PTPRD: variants seen among roughly 807,000 people sequenced by gnomAD.
PTPRD encodes receptor-type tyrosine-protein phosphatase delta.
In PTPRD, 34 loss-of-function variants were observed where a neutral mutation model predicts 214.5. The ratio of observed to expected loss-of-function variants is 0.16; its 90% confidence interval spans 0.12 to 0.21. The LOEUF is 0.21. Among genes scored for constraint, PTPRD ranks in the 10% least tolerant of loss-of-function variants. The pLI, the probability that PTPRD is intolerant of heterozygous loss-of-function variation, is 1.00. For missense variants in PTPRD, 2,545 were observed against 2,398.7 expected (o/e 1.06, Z -1.27); for synonymous variants, 1,128 against 845.7 (o/e 1.33, Z -5.79).
chr9:8,655,471 T>A (rs2096890786), intron 12 of PTPRD, among the ~76,000 whole-genome samples: 1 of 152,174 alleles, frequency 6.6e-6, no homozygotes, highest in East Asian at 1.9e-4. Flanking sequence ...ATAAAAAGCA[T>A]TTTCTGGAAA....
At chr9:9,166,264 G>C (rs1360380556) in intron 10 of PTPRD, among the ~76,000 whole-genome samples, 4 of 151,794 alleles carry the variant, frequency 2.6e-5, no homozygotes, top group Non-Finnish European at 5.9e-5. Flanking sequence ...TTGCTTAGCT[G>C]AATCTGTGGA....
At chr9:10,607,954 G>T (rs527827309) in intron 2 of PTPRD, among the ~76,000 whole-genome samples, 98 of 151,966 alleles carry the variant, frequency 6.4e-4, no homozygotes, top group African/African-American at 2.3e-3. Context: ...TGGCAATATA[G>T]CATGTGAGAT....
At chr9:8,629,527 C>T (rs886806804) in intron 14 of PTPRD, among the ~76,000 whole-genome samples, 6 of 151,792 alleles carry the variant, frequency 4.0e-5, no homozygotes, top group African/African-American at 1.4e-4. Flanking sequence ...CCTATGCTTG[C>T]TCTTCACTGA....
At chr9:8,595,391 G>C (rs1042075637) in intron 14 of PTPRD, among the ~76,000 whole-genome samples, 5 of 152,252 alleles carry the variant, frequency 3.3e-5, no homozygotes, top group African/African-American at 4.8e-5. Context: ...TGTTGAGAGA[G>C]ACAGTTTAGA....
chr9:9,901,808 G>C (rs1023270269), intron 5 of PTPRD, among the ~76,000 whole-genome samples: 20 of 152,112 alleles, frequency 1.3e-4, no homozygotes, highest in Admixed American at 4.6e-4. Context: ...ATGGCAGAAG[G>C]CAAATGGCAA....
chr9:8,814,734 A>G (rs1203759430), intron 11 of PTPRD, among the ~76,000 whole-genome samples: 1 of 152,330 alleles, frequency 6.6e-6, no homozygotes, highest in East Asian at 1.9e-4. Context: ...CCTTCACTGG[A>G]AAAGTGGTGC....
chr9:10,425,059 G>A (rs2098599748), intron 2 of PTPRD, among the ~76,000 whole-genome samples: 2 of 151,812 alleles, frequency 1.3e-5, no homozygotes, highest in South Asian at 4.2e-4. Context: ...AGTTTTACAT[G>A]TAAATCCATA....
chr9:8,648,894 A>G (rs918444940), intron 12 of PTPRD, among the ~76,000 whole-genome samples: 3 of 152,202 alleles, frequency 2.0e-5, no homozygotes, highest in African/African-American at 7.2e-5. Flanking sequence ...ATCCACTGCT[A>G]ATTTACTCAT....
chr9:9,560,590 C>T (rs116136789), intron 8 of PTPRD, among the ~76,000 whole-genome samples: 8,305 of 152,254 alleles, frequency 0.055, 262 homozygotes, highest in Middle Eastern at 0.16. Context: ...CATGGCTGAC[C>T]GGGCAAGCCT....
At chr9:8,575,655 C>G (rs1375592837) in intron 14 of PTPRD, among the ~76,000 whole-genome samples, 2 of 152,070 alleles carry the variant, frequency 1.3e-5, no homozygotes, top group Non-Finnish European at 2.9e-5. Context: ...ATAAATTTTC[C>G]ATTACAATGT....
At chr9:8,662,163 A>G (rs1397532690) in intron 12 of PTPRD, among the ~76,000 whole-genome samples, 1 of 152,298 alleles carries the variant, frequency 6.6e-6, no homozygotes, top group East Asian at 1.9e-4. Context: ...ATTTTACATA[A>G]GTGAGAGACA....
intron 8 of PTPRD, among the ~76,000 whole-genome samples, chr9:9,505,673 C>G (rs1000167892): frequency 6.6e-6 from 1 of 151,370 alleles, no homozygotes; most frequent in African/African-American, 2.4e-5. Flanking sequence ...CACAGGGAAT[C>G]AATAAAGATG....
intron 14 of PTPRD, among the ~76,000 whole-genome samples, chr9:8,632,806 A>G (rs946909685): frequency 2.0e-5 from 3 of 152,044 alleles, no homozygotes; most frequent in African/African-American, 7.2e-5. Context: ...TTTAAGAAAG[A>G]TAACAGACAA....
At chr9:8,658,318 T>C (rs1211068276) in intron 12 of PTPRD, among the ~76,000 whole-genome samples, 1 of 152,216 alleles carries the variant, frequency 6.6e-6, no homozygotes, top group African/African-American at 2.4e-5. Context: ...TTGCAATAAA[T>C]GTTCAATATT....
chr9:10,479,804 G>A (rs1029135973), intron 2 of PTPRD, among the ~76,000 whole-genome samples: 4 of 152,010 alleles, frequency 2.6e-5, no homozygotes, highest in African/African-American at 9.7e-5. Flanking sequence ...CTGGGCAACA[G>A]GGTGAGATCC....
intron 8 of PTPRD, among the ~76,000 whole-genome samples, chr9:9,475,882 G>T (rs1458252388): frequency 6.6e-6 from 1 of 152,074 alleles, no homozygotes; most frequent in Non-Finnish European, 1.5e-5. Context: ...AATAGGCTTT[G>T]GCCTATGTTA....
chr9:9,975,868 C>T (rs2095332763), intron 4 of PTPRD, among the ~76,000 whole-genome samples: 1 of 152,144 alleles, frequency 6.6e-6, no homozygotes, highest in African/African-American at 2.4e-5. Context: ...ATGACCAAAT[C>T]CGTAAGATTT....
At chr9:8,649,497 A>G (rs2096762249) in intron 12 of PTPRD, among the ~76,000 whole-genome samples, 1 of 152,262 alleles carries the variant, frequency 6.6e-6, no homozygotes, top group Non-Finnish European at 1.5e-5. Context: ...CAAAGTAGCT[A>G]TAACACAGAA....
chr9:9,007,351 A>G (rs779515370), intron 11 of PTPRD, among the ~76,000 whole-genome samples: 1 of 151,382 alleles, frequency 6.6e-6, no homozygotes, highest in Non-Finnish European at 1.5e-5. Flanking sequence ...GACAAGAGGA[A>G]CAAGGAGGGT....
Sources: allele counts gnomAD v4.1 joint callset (sites outside exome capture counted in the v4.1 genomes callset), GRCh38; gene constraint gnomAD v4.1.1; transcripts MANE v1.5; gene names NCBI Gene and HGNC (gene_info 2026-07-23, HGNC 2026-07-21).